Variants in DDX19A observed in about 807,000 individuals in gnomAD.
The protein encoded by DDX19A is DEAD-box helicase 19A, also known as ATP-dependent RNA helicase DDX19A.
In DDX19A, 12 loss-of-function variants were observed where a neutral mutation model predicts 60.6. The ratio of observed to expected loss-of-function variants is 0.20; its 90% CI spans 0.13 to 0.32. The LOEUF (loss-of-function observed/expected upper bound fraction) is 0.32, where lower values mean the gene tolerates loss of function less well. DDX19A is among the 10% of genes least tolerant of loss of function. The pLI is 1.00. For missense variants in DDX19A, 337 were observed against 600.6 expected (o/e 0.56, Z 4.59); for synonymous variants, 206 against 218.2 (o/e 0.94, Z 0.49).
chr16:70,360,749 G>A (rs1964340751), intron 4 of DDX19A: 1 of 152,300 alleles, frequency 6.6e-6, no homozygotes, highest in Admixed American at 6.6e-5. Context: ...AGTAAATAGT[G>A]TTTATTTTCA....
chr16:70,366,891 C>T (rs1463767355), intron 9 of DDX19A, 30 bp downstream of exon 9: 2 of 1,612,962 alleles, frequency 1.2e-6, no homozygotes, highest in Admixed American at 3.3e-5. Flanking sequence ...GCAGGCCTGG[C>T]CCCTCCCTCT....
rs1348584729 is a variant in DDX19A, at chr16:70,372,349, G to A, written c.*363G>A. The A allele has an allele frequency of 8.5e-6, 3 of 354,406 alleles. No homozygotes were observed. The highest frequency in any genetic ancestry group is 2.7e-5 in the South Asian group (1 of 36,830). 22.0% of individuals were successfully genotyped at this position (354,406 alleles called of 1,614,324 possible). A position where few individuals can be genotyped will look rare whatever the true frequency, so the allele number is the denominator to read the frequency against. On this transcript the variant is annotated 3_prime_UTR_variant, in exon 12 of 12. Transcript: ENST00000302243. ...TGAAGAAACGATAGATGTGCAGGTTGTGCGGAAGAGGCTGAGTGGAAAATG... is the reference window on the plus strand; with the variant it reads ...TGAAGAAACGATAGATGTGCAGGTTATGCGGAAGAGGCTGAGTGGAAAATG...
intron 2 of DDX19A, among the ~76,000 whole-genome samples, chr16:70,351,065 G>A (rs1438791815): frequency 6.7e-6 from 1 of 148,802 alleles, no homozygotes; most frequent in Non-Finnish European, 1.5e-5. Flanking sequence ...TGTATTTTTA[G>A]TAGAGATAGG....
intron 3 of DDX19A, chr16:70,355,850 T>A (rs1964168984): frequency 1.7e-6 from 1 of 580,794 alleles, no homozygotes; most frequent in East Asian, 2.8e-5. Context: ...TACTCCCAGC[T>A]ACTTGGGAGG....
At chr16:70,371,675 C>T in intron 11 of DDX19A, 112 bp downstream of exon 11, 1 of 738,918 alleles carries the variant, frequency 1.4e-6, no homozygotes, top group Non-Finnish European at 2.2e-6. Flanking sequence ...TAGCACACTC[C>T]CCTCCTTTCT....
chr16:70,356,894 C>T (rs1964207627), intron 4 of DDX19A: 4 of 1,264,214 alleles, frequency 3.2e-6, no homozygotes, highest in Non-Finnish European at 4.1e-6. Context: ...ATGTCAGGAA[C>T]ATTTCTGATT....
intron 7 of DDX19A, 36 bp downstream of exon 7, chr16:70,365,167 G>C: frequency 6.9e-7 from 1 of 1,452,156 alleles, no homozygotes; most frequent in East Asian, 2.3e-5. Context: ...CAGTGAGCAG[G>C]GTAGGGGGTT....
At chr16:70,368,583 C>CTT (rs1179369230) in intron 9 of DDX19A, among the ~76,000 whole-genome samples, 19 of 141,118 alleles carry the variant, frequency 1.3e-4, no homozygotes, top group African/African-American at 4.4e-4. Flanking sequence ...AAAAAATACT[C>CTT]TTTTTTTTTT....
At chr16:70,366,594 G>A in intron 8 of DDX19A, 30 bp from the exon 9 acceptor site, 1 of 1,613,586 alleles carries the variant, frequency 6.2e-7, no homozygotes. Flanking sequence ...AGGGCCACCT[G>A]GGGCCATCTA....
chr16:70,364,462 G>T (rs1242531412), intron 5 of DDX19A, 81 bp from the exon 6 acceptor site: 11 of 1,068,446 alleles, frequency 1.0e-5, no homozygotes, highest in Admixed American at 1.8e-5. Flanking sequence ...GGGGAAATAT[G>T]CCTTTCATTC....
At chr16:70,352,812 T>C (rs1056192907) in intron 2 of DDX19A, among the ~76,000 whole-genome samples, 11 of 150,790 alleles carry the variant, frequency 7.3e-5, no homozygotes, top group Admixed American at 2.6e-4. Context: ...AATTTTGTGT[T>C]TTTTTAGTAG....
At chr16:70,348,808 G>A (rs1963929994) in intron 1 of DDX19A, among the ~76,000 whole-genome samples, 4 of 151,852 alleles carry the variant, frequency 2.6e-5, no homozygotes, top group African/African-American at 9.7e-5. Context: ...TGGGCGGGGT[G>A]GTGGTACACT....
chr16:70,357,376 T>TTTTG (rs1964242731), intron 4 of DDX19A, among the ~76,000 whole-genome samples: 2 of 46,512 alleles, frequency 4.3e-5, no homozygotes, highest in Non-Finnish European at 9.5e-5. Context: ...GTTTTTTTTT[T>TTTTG]TTTTTTTTTT....
intron 1 of DDX19A, 119 bp downstream of exon 1, chr16:70,347,167 T>C: frequency 1.0e-6 from 1 of 973,944 alleles, no homozygotes; most frequent in Non-Finnish European, 1.6e-6. Flanking sequence ...TGCAGTTTGC[T>C]AGGGCAGTCA....
chr16:70,348,983 G>A (rs1446515881), intron 1 of DDX19A, among the ~76,000 whole-genome samples: 1 of 152,082 alleles, frequency 6.6e-6, no homozygotes, highest in Middle Eastern at 3.2e-3. Flanking sequence ...AGGTTTGGCT[G>A]TTCTGAATTT....
rs1055278908 is a variant in DDX19A at position 70,372,064 on chromosome 16, G to A, written c.*78G>A. 41 of 1,606,362 alleles carry A rather than the reference G, an allele frequency of 2.6e-5. No individual in the cohort carries two copies. The highest frequency in any genetic ancestry group is 7.7e-5 in the South Asian group (7 of 90,900). On this transcript the variant is annotated 3_prime_UTR_variant, in exon 12 of 12. Transcript: ENST00000302243. ...CAAGTGCATTTAGGGCACAGGCCCC[G>A]ACATCACCCCAAGGACAACGGCAGA... is the stretch of plus-strand genomic sequence containing the variant.
At chr16:70,349,609 G>C (rs1963952081) in intron 1 of DDX19A, among the ~76,000 whole-genome samples, 1 of 152,164 alleles carries the variant, frequency 6.6e-6, no homozygotes, top group Non-Finnish European at 1.5e-5. Flanking sequence ...TGGAGTTCAG[G>C]AGAAGGAGCA....
intron 1 of DDX19A, 54 bp from the exon 2 acceptor site, chr16:70,350,503 C>A: frequency 7.1e-7 from 1 of 1,401,998 alleles, no homozygotes; most frequent in Non-Finnish European, 9.9e-7. Context: ...TTCTTAGGGA[C>A]CTTCCTTTTA....
At chr16:70,351,973 A>G (rs1174624200) in intron 2 of DDX19A, among the ~76,000 whole-genome samples, 1 of 152,148 alleles carries the variant, frequency 6.6e-6, no homozygotes, top group East Asian at 1.9e-4. Context: ...CATCTTAACT[A>G]CAGCTGTAGC....
Sources: gnomAD v4.1 joint callset for allele counts (sites outside exome capture counted in the v4.1 genomes callset) on GRCh38, gnomAD v4.1.1 for gene constraint, MANE v1.5 for transcripts, NCBI Gene and HGNC (gene_info 2026-07-23, HGNC 2026-07-21) for gene names.